CCDC174: variants seen among roughly 807,000 people sequenced by gnomAD.
The protein encoded by CCDC174 is coiled-coil domain containing 174, also known as coiled-coil domain-containing protein 174.
In CCDC174, 37 loss-of-function variants were observed where a neutral mutation model predicts 57.1. The ratio of observed to expected loss-of-function variants is 0.65; its 90% CI spans 0.50 to 0.85. The LOEUF (loss-of-function observed/expected upper bound fraction) is 0.85, where lower values mean the gene tolerates loss of function less well. Among genes scored for constraint, CCDC174 ranks in the 40% least tolerant of loss-of-function variants. The pLI is 0.00. For synonymous variants in CCDC174, 182 were observed against 190.2 expected, an observed-to-expected ratio of 0.96 and a Z score of 0.35; for missense variants, 540 against 574.3, an observed-to-expected ratio of 0.94 and a Z score of 0.61.
chr3:14,661,316 A>G (rs1011025998), intron 4 of CCDC174, among the ~76,000 whole-genome samples: 3 of 147,538 alleles, frequency 2.0e-5, no homozygotes, highest in South Asian at 2.4e-4. Flanking sequence ...TGATGAGGCA[A>G]TAGAAAACTT....
chr3:14,664,000 A>G lies in CCDC174; in HGVS notation c.486-1028A>G, dbSNP rs1238781865. 2.6e-5 allele frequency among the ~76,000 whole-genome samples: 4 copies of G among 152,344 alleles called. No individual in the cohort carries two copies. The East Asian group carries it at 5.8e-4, about 22-fold the overall frequency. On this transcript the variant is annotated intron_variant, in intron 5 of 10. Transcript: ENST00000383794. Reference sequence around the variant, plus strand: ...AAATCTTTCCGTAAAGATACTGTAAATAATTACACAGACCATCTGGCTAGA... The same window carrying G: ...AAATCTTTCCGTAAAGATACTGTAAGTAATTACACAGACCATCTGGCTAGA...
At chr3:14,661,911 C>G (rs1172732669) in intron 5 of CCDC174, 3 of 507,896 alleles carry the variant, frequency 5.9e-6, no homozygotes, top group East Asian at 3.2e-5. Flanking sequence ...ACAATAATTA[C>G]AATAATTACA....
intron 1 of CCDC174, among the ~76,000 whole-genome samples, chr3:14,653,095 A>G (rs2124827797): frequency 6.6e-6 from 1 of 152,332 alleles, no homozygotes; most frequent in Admixed American, 6.5e-5. Flanking sequence ...ATATTTGAGT[A>G]CTAGTTATTA....
chr3:14,669,885 T>C, intron 9 of CCDC174, 49 bp from the exon 10 acceptor site: 1 of 1,582,724 alleles, frequency 6.3e-7, no homozygotes, highest in Non-Finnish European at 8.6e-7. Context: ...TTTTTAAAAA[T>C]AGCTTTAGGC....
intron 1 of CCDC174, 128 bp downstream of exon 1, chr3:14,652,006 C>A: frequency 2.2e-6 from 2 of 899,764 alleles, no homozygotes; most frequent in Non-Finnish European, 3.5e-6. Flanking sequence ...CAAACAGGAA[C>A]CCCCGAACTG....
chr3:14,670,826 G>T, intron 10 of CCDC174, 70 bp from the exon 11 acceptor site: 2 of 1,256,978 alleles, frequency 1.6e-6, no homozygotes, highest in Non-Finnish European at 2.2e-6. Context: ...GATACAATTA[G>T]ATAATAGTAA....
chr3:14,655,394 G>T, intron 2 of CCDC174, 135 bp from the exon 3 acceptor site: 1 of 531,626 alleles, frequency 1.9e-6, no homozygotes, highest in Non-Finnish European at 3.4e-6. Context: ...ATCTTTGTAG[G>T]ACACAGCTTA....
At chr3:14,662,591 T>G (rs2031179178) in intron 5 of CCDC174, among the ~76,000 whole-genome samples, 1 of 152,226 alleles carries the variant, frequency 6.6e-6, no homozygotes, top group South Asian at 2.1e-4. Flanking sequence ...TGTTCAGCAG[T>G]GCTTGAAATT....
chr3:14,663,494 G>A (rs925189256), intron 5 of CCDC174, among the ~76,000 whole-genome samples: 7 of 152,130 alleles, frequency 4.6e-5, no homozygotes, highest in African/African-American at 1.7e-4. Flanking sequence ...CGTTTCATGG[G>A]TGTGTGCCTT....
chr3:14,658,824 G>A (rs767657945), intron 3 of CCDC174, 47 bp from the exon 4 acceptor site: 40 of 1,521,680 alleles, frequency 2.6e-5, no homozygotes, highest in Non-Finnish European at 3.4e-5. Flanking sequence ...CAACCAGGAT[G>A]AACAGTTATA....
At chr3:14,653,714 G>A (rs2030856235) in intron 1 of CCDC174, among the ~76,000 whole-genome samples, 1 of 152,260 alleles carries the variant, frequency 6.6e-6, no homozygotes, top group Middle Eastern at 3.4e-3. Flanking sequence ...TTCTTGAACC[G>A]TGTGATTCAG....
chr3:14,664,323 TTAAAAAG>T (rs1233789123), intron 5 of CCDC174, among the ~76,000 whole-genome samples: 4 of 152,196 alleles, frequency 2.6e-5, no homozygotes, highest in Non-Finnish European at 4.4e-5. Flanking sequence ...TGCCCATAAT[TTAAAAAG>T]TAAAATATCT....
intron 9 of CCDC174, among the ~76,000 whole-genome samples, chr3:14,668,767 C>G (rs995025574): frequency 2.6e-5 from 4 of 152,094 alleles, no homozygotes; most frequent in African/African-American, 7.2e-5. Flanking sequence ...TAGAATGGCT[C>G]AAACAAAATA....
At chr3:14,651,946 G>A (rs995657208) in intron 1 of CCDC174, 68 bp downstream of exon 1, 14 of 1,497,138 alleles carry the variant, frequency 9.4e-6, no homozygotes, top group Non-Finnish European at 1.0e-5. Context: ...CAAGAATGTC[G>A]ACCTAGCTTG....
chr3:14,671,390 G>C lies in CCDC174; in HGVS notation c.*196G>C, dbSNP rs190743636. 9.6e-4 allele frequency: 561 copies of C among 581,862 alleles called. 2 individuals carry two copies. The Middle Eastern group carries it at 0.01, about 11-fold the overall frequency. 36.0% of individuals were successfully genotyped at this position (581,862 alleles called of 1,614,324 possible). On this transcript the variant is annotated 3_prime_UTR_variant, in exon 11 of 11. Coordinates refer to ENST00000383794, the MANE Select transcript of CCDC174 (RefSeq NM_016474.5). The stretch of plus-strand genomic sequence containing the variant: ...TTGGCTGTTCATTTTATTCTAAGTG[G>C]GATAGGGACATACCTACCTGGATTT...
chr3:14,667,622 G>C (rs1438294185), intron 8 of CCDC174, 104 bp downstream of exon 8: 1 of 870,078 alleles, frequency 1.1e-6, no homozygotes, highest in African/African-American at 1.7e-5. Context: ...AATTAAAATT[G>C]ATATTCAGAA....
chr3:14,667,881 A>G, intron 8 of CCDC174, 168 bp from the exon 9 acceptor site: 2 of 641,772 alleles, frequency 3.1e-6, no homozygotes, highest in Admixed American at 3.1e-5. Flanking sequence ...CAGAGGGTTC[A>G]TAGGAGAGTA....
Position 14,667,526 on chromosome 3 carries a change from T to TA in CCDC174, c.819+11dup. On this transcript the variant is annotated intron_variant, in intron 8 of 10. Transcript: ENST00000383794. ...GAGATGCTGCGTGAACAGGTACAGATAAATCCCAAGTGACTGTGAGGAAAG... is the reference window on the plus strand; with the variant it reads ...GAGATGCTGCGTGAACAGGTACAGATAAAATCCCAAGTGACTGTGAGGAAAG... The TA allele has an allele frequency of 6.2e-7, 1 of 1,605,198 alleles. No individual in the cohort carries two copies. Among genetic ancestry groups the TA allele is most frequent in the East Asian group, 2.2e-5 (1 of 44,818 alleles).
chr3:14,666,728 T>C (rs948577742), intron 6 of CCDC174, 77 bp from the exon 7 acceptor site: 3 of 1,163,940 alleles, frequency 2.6e-6, no homozygotes, highest in Non-Finnish European at 3.6e-6. Context: ...TACTTATGCA[T>C]GATGCAACTG....
Sources: allele counts gnomAD v4.1 joint callset (sites outside exome capture counted in the v4.1 genomes callset), GRCh38; gene constraint gnomAD v4.1.1; transcripts MANE v1.5; gene names NCBI Gene and HGNC (gene_info 2026-07-23, HGNC 2026-07-21).